Variants in COL25A1 observed in about 807,000 individuals in gnomAD.
COL25A1 encodes collagen alpha-1(XXV) chain.
In COL25A1, 103 loss-of-function variants were observed where a neutral mutation model predicts 128.4. That is an observed-to-expected ratio of 0.80 (90% CI 0.68 to 0.94). The LOEUF (loss-of-function observed/expected upper bound fraction) is 0.94, where lower values mean the gene tolerates loss of function less well. COL25A1 is among the 40% of genes least tolerant of loss of function. The probability of loss-of-function intolerance (pLI) is 0.00; values close to 1 mark genes in which losing one functional copy is unlikely to be tolerated. For missense variants in COL25A1, 745 were observed against 840.0 expected (o/e 0.89, Z 1.40); for synonymous variants, 279 against 277.2 (o/e 1.01, Z -0.06).
rs903149340 is a variant in COL25A1, at chr4:108,884,772, C to T, written c.976-550G>A. On this transcript the variant is annotated intron_variant, in intron 18 of 37. Coordinates refer to ENST00000399132, the MANE Select transcript of COL25A1 (RefSeq NM_198721.4). ...TGAATACTTAAGATTAAACCTAACT[C>T]CAGTCTGTACTTCTGACAATTGTTG... is the stretch of plus-strand genomic sequence containing the variant. Among the ~76,000 whole-genome samples the T allele has an allele frequency of 2.6e-5, 4 of 152,208 alleles. No individual in the cohort carries two copies. In the South Asian group the frequency reaches 8.3e-4, roughly 31 times the overall value.
chr4:108,821,399 C>T (rs544899121), intron 35 of COL25A1, among the ~76,000 whole-genome samples: 1 of 152,280 alleles, frequency 6.6e-6, no homozygotes, highest in South Asian at 2.1e-4. Flanking sequence ...GTCACTCACT[C>T]AAGATGGATC....
chr4:109,077,575 A>G (rs1763491229), intron 3 of COL25A1, among the ~76,000 whole-genome samples: 1 of 152,220 alleles, frequency 6.6e-6, no homozygotes, highest in Non-Finnish European at 1.5e-5. Context: ...TTAAATAGCT[A>G]TGAGTGTGTA....
chr4:108,888,637 A>G (rs1338482360), intron 18 of COL25A1, among the ~76,000 whole-genome samples: 2 of 152,242 alleles, frequency 1.3e-5, no homozygotes, highest in Admixed American at 6.5e-5. Flanking sequence ...TAATGTATCC[A>G]TAAAATGGTA....
At chr4:109,105,341 G>A (rs1766326881) in intron 3 of COL25A1, among the ~76,000 whole-genome samples, 1 of 152,036 alleles carries the variant, frequency 6.6e-6, no homozygotes, top group African/African-American at 2.4e-5. Flanking sequence ...GAGCATGGTG[G>A]TGCACACTTG....
chr4:108,974,343 C>G (rs1200209300), intron 8 of COL25A1, 24 bp downstream of exon 8: 6 of 1,612,930 alleles, frequency 3.7e-6, no homozygotes, highest in Non-Finnish European at 5.1e-6. Flanking sequence ...ATTTTCCGCC[C>G]AAGATAGGTA....
intron 30 of COL25A1, among the ~76,000 whole-genome samples, chr4:108,844,072 T>C (rs1734785262): frequency 6.6e-6 from 1 of 152,142 alleles, no homozygotes. Flanking sequence ...TTAATTTTTG[T>C]AGTAGAGATG....
rs1379230318 is a variant in COL25A1, at chr4:108,810,917, T to C, written c.*3010A>G. On this transcript the variant is annotated 3_prime_UTR_variant, in exon 38 of 38. Transcript: ENST00000399132. ...GTCCATAGAGAAAAAGGAAAAGAGA[T>C]ACATTAGCACCAACCAACATAAATG... The C allele has an allele frequency of 6.6e-6, 1 of 152,030 alleles. No homozygotes were observed. Among genetic ancestry groups the C allele is most frequent in the Non-Finnish European group, 1.5e-5 (1 of 67,902 alleles). 9.4% of individuals were successfully genotyped at this position (152,030 alleles called of 1,614,324 possible).
intron 3 of COL25A1, among the ~76,000 whole-genome samples, chr4:109,109,479 C>A (rs757526084): frequency 6.6e-6 from 1 of 152,104 alleles, no homozygotes; most frequent in Non-Finnish European, 1.5e-5. Context: ...GTGATCTGCC[C>A]GCCACAGCCT....
At position 108,892,662 on chromosome 4, in the gene COL25A1, C is replaced by T. The variant is rs576779656; in HGVS notation, c.907-2929G>A. Among the ~76,000 whole-genome samples, 5 of 152,006 alleles carry T rather than the reference C, an allele frequency of 3.3e-5. No homozygotes were observed. The South Asian group carries it at 1.0e-3, about 32-fold the overall frequency. On this transcript the variant is annotated intron_variant, in intron 16 of 37. Coordinates refer to ENST00000399132, the MANE Select transcript of COL25A1 (RefSeq NM_198721.4). ...TTCATTTTTTTCTTTCTTTCCTTTTCTTTTTTTGAAATCTGGTGTAGAAAG... is the reference window on the plus strand; with the variant it reads ...TTCATTTTTTTCTTTCTTTCCTTTTTTTTTTTTGAAATCTGGTGTAGAAAG...
rs147657335 is a variant in COL25A1, at chr4:109,147,761, G to A, written c.368-97582C>T. Among the ~76,000 whole-genome samples, 1,354 of 150,154 alleles carry A rather than the reference G, an allele frequency of 9.0e-3. 13 individuals are homozygous for A. Among genetic ancestry groups the A allele is most frequent in the African/African-American group, 0.032 (1,283 of 40,650 alleles). ...GAACCCAGGAGATGGAGTTTGCAGT[G>A]AGCCAAGATTGTGCCACTGCACTCC... On this transcript the variant is annotated intron_variant, in intron 3 of 37. Transcript: ENST00000399132.
At chr4:108,893,857 T>C (rs764806161) in intron 16 of COL25A1, among the ~76,000 whole-genome samples, 8 of 152,172 alleles carry the variant, frequency 5.3e-5, no homozygotes, top group Admixed American at 1.3e-4. Flanking sequence ...ATATTCCAAT[T>C]ACAGCATTCT....
intron 3 of COL25A1, among the ~76,000 whole-genome samples, chr4:109,250,305 G>T (rs190926085): frequency 5.3e-5 from 8 of 150,352 alleles, no homozygotes; most frequent in African/African-American, 1.7e-4. Flanking sequence ...AATATCTGGG[G>T]GGGGAGGTAA....
intron 3 of COL25A1, among the ~76,000 whole-genome samples, chr4:109,218,418 A>C (rs1428594255): frequency 7.6e-6 from 1 of 131,100 alleles, no homozygotes; most frequent in Non-Finnish European, 1.5e-5. Flanking sequence ...TGGCAGCTTA[A>C]AAAGAGAAGC....
chr4:109,229,549 T>A (rs1779030631), intron 3 of COL25A1, among the ~76,000 whole-genome samples: 1 of 152,226 alleles, frequency 6.6e-6, no homozygotes, highest in African/African-American at 2.4e-5. Context: ...TACAGACTTC[T>A]TGCATTTAGG....
In COL25A1 at chr4:109,036,250, T is replaced by G. The variant is rs188023195; in HGVS notation, c.420+11918A>C. ...CCCAAACTAAAGATTTAAAAAGGAT[T>G]TTTTTTTCCCCTCTAAACAAGGGAG... On this transcript the variant is annotated intron_variant, in intron 5 of 37. Coordinates refer to ENST00000399132, the MANE Select transcript of COL25A1 (RefSeq NM_198721.4). 2.3e-3 allele frequency among the ~76,000 whole-genome samples: 280 copies of G among 123,916 alleles called. 2 individuals carry two copies. Among genetic ancestry groups the G allele is most frequent in the African/African-American group, 9.1e-3 (271 of 29,704 alleles). 81.3% of individuals were successfully genotyped at this position (123,916 alleles called of 152,430 possible).
chr4:108,838,266 G>A, intron 31 of COL25A1: 1 of 901,754 alleles, frequency 1.1e-6, no homozygotes, highest in South Asian at 1.5e-5. Context: ...AATAGTTGCA[G>A]ATTCCAGTTT....
chr4:109,275,203 T>C (rs1431719994), intron 3 of COL25A1, among the ~76,000 whole-genome samples: 3 of 152,168 alleles, frequency 2.0e-5, no homozygotes, highest in Non-Finnish European at 4.4e-5. Context: ...GGCGTGCATG[T>C]AGCATGGCTG....
At chr4:109,165,784 T>C (rs547690041) in intron 3 of COL25A1, among the ~76,000 whole-genome samples, 7 of 152,322 alleles carry the variant, frequency 4.6e-5, no homozygotes, top group African/African-American at 1.7e-4. Context: ...TCACATTAAG[T>C]GTATGCTATC....
intron 3 of COL25A1, among the ~76,000 whole-genome samples, chr4:109,253,707 C>T (rs569860728): frequency 5.3e-4 from 81 of 152,054 alleles, no homozygotes; most frequent in Non-Finnish European, 1.1e-3. Flanking sequence ...GTGTTTTTTC[C>T]ACCTGGAATC....
Sources: allele counts gnomAD v4.1 joint callset (sites outside exome capture counted in the v4.1 genomes callset), GRCh38; gene constraint gnomAD v4.1.1; transcripts MANE v1.5; gene names NCBI Gene and HGNC (gene_info 2026-07-23, HGNC 2026-07-21).